Variants in BRD9 observed in about 807,000 individuals in gnomAD.
The protein encoded by BRD9 is bromodomain-containing protein 9.
A neutral mutation model predicts 68.7 loss-of-function variants in BRD9; 47 were observed. That is an observed-to-expected ratio of 0.68 (90% CI 0.54 to 0.87). The LOEUF (loss-of-function observed/expected upper bound fraction) is 0.87. BRD9 is among the 40% of genes least tolerant of loss of function. The pLI is 0.00. For missense variants in BRD9, 670 were observed against 748.4 expected (o/e 0.90, Z 1.22); for synonymous variants, 313 against 293.9 (o/e 1.06, Z -0.67).
At chr5:881,019 A>G (rs1751662677) in intron 9 of BRD9, 88 bp downstream of exon 9, 4 of 1,397,620 alleles carry the variant, frequency 2.9e-6, no homozygotes, top group Non-Finnish European at 4.0e-6. Flanking sequence ...CCCCATGGCC[A>G]TGGCTCAGCT....
intron 11 of BRD9, among the ~76,000 whole-genome samples, chr5:877,493 G>C (rs1579950654): frequency 6.6e-6 from 1 of 152,318 alleles, no homozygotes; most frequent in Admixed American, 6.5e-5. Flanking sequence ...GGAATAAAAT[G>C]AAGACCTGAT....
intron 14 of BRD9, chr5:870,254 A>G: frequency 1.9e-6 from 1 of 518,894 alleles, no homozygotes; most frequent in East Asian, 3.3e-5. Flanking sequence ...AGGGGCTGCA[A>G]CCACTTCTCA....
At chr5:878,281 G>C in intron 11 of BRD9, 74 bp downstream of exon 11, 1 of 1,588,444 alleles carries the variant, frequency 6.3e-7, no homozygotes, top group Non-Finnish European at 8.6e-7. Context: ...GCACACATGT[G>C]GGACTCCACG....
In BRD9 at chr5:884,334, A is replaced by G. The variant is rs112792761; in HGVS notation, c.834-264T>C. The stretch of plus-strand genomic sequence containing the variant: ...TTTCAACGCAGTGCAAACTCAGTTA[A>G]AGTGCTTTAGCAACAAAAGCAACAA... On this transcript the variant is annotated intron_variant, in intron 7 of 15. Coordinates refer to ENST00000467963, the MANE Select transcript of BRD9 (RefSeq NM_023924.5). Among the ~76,000 whole-genome samples, 1,143 of 152,376 alleles carry G rather than the reference A, an allele frequency of 7.5e-3. 13 individuals carry two copies. The highest frequency in any genetic ancestry group is 0.025 in the African/African-American group (1,055 of 41,596).
chr5:883,437 G>T (rs1251782133), intron 8 of BRD9: 1 of 456,672 alleles, frequency 2.2e-6, no homozygotes. Context: ...AAGACACTGG[G>T]TCTAGAACGT....
intron 9 of BRD9, 102 bp downstream of exon 9, chr5:881,005 G>C: frequency 8.1e-7 from 1 of 1,241,588 alleles, no homozygotes. Context: ...AGCCTCTCAT[G>C]CTGCCCCATG....
intron 8 of BRD9, chr5:882,938 A>T: frequency 3.7e-6 from 1 of 267,226 alleles, no homozygotes; most frequent in Non-Finnish European, 7.3e-6. Context: ...CCAACATGCA[A>T]GCCACGTGAA....
rs1303412765 is a variant in BRD9, at chr5:865,530, T to C, written c.1577A>G (p.Glu526Gly). The C allele has an allele frequency of 1.2e-6, 2 of 1,606,360 alleles. No individual in the cohort carries two copies. Among genetic ancestry groups the C allele is most frequent in the Non-Finnish European group, 1.7e-6 (2 of 1,178,846 alleles). The stretch of plus-strand genomic sequence containing the variant: ...CAGGTCCTGCAGGAGCTTCGTCGTC[T>C]CATCCAAGTTCAAATGGCTGTCGTC... ...DPDDSHLNLD[E>G]TTKLLQDLHE... Residue 526 changes from glutamate to glycine, a missense_variant, in exon 15 of 16, where the codon GAG becomes GGG. Physicochemically the swap from Glu to Gly is moderately conservative, Grantham distance 98 (BLOSUM62 -2). This residue lies in a region of BRD9 where 280 missense variants were observed against 281.5 expected (regional missense o/e 0.99). Transcript: ENST00000467963.
Position 865,524 on chromosome 5 carries a change from G to T in BRD9, c.1583C>A (p.Thr528Lys). The change falls in exon 15 of 16, where the codon ACG (threonine) becomes AAG (lysine). Residue 528 changes from threonine to lysine, a missense_variant. Coordinates refer to ENST00000467963, the MANE Select transcript of BRD9 (RefSeq NM_023924.5). Reference sequence around the variant, plus strand: ...TTCGTGCAGGTCCTGCAGGAGCTTCGTCGTCTCATCCAAGTTCAAATGGCT... The same window carrying T: ...TTCGTGCAGGTCCTGCAGGAGCTTCTTCGTCTCATCCAAGTTCAAATGGCT... ...DDSHLNLDET[T>K]KLLQDLHEAQ... is the part of the protein sequence containing the mutation. 1 of 1,607,146 alleles carries T rather than the reference G, an allele frequency of 6.2e-7. No individual in the cohort carries two copies. The highest frequency in any genetic ancestry group is 8.5e-7 in the Non-Finnish European group (1 of 1,179,030).
intron 12 of BRD9, among the ~76,000 whole-genome samples, chr5:872,342 A>G (rs539606350): frequency 6.6e-6 from 1 of 152,360 alleles, no homozygotes; most frequent in African/African-American, 2.4e-5. Flanking sequence ...AGTCCTGAGC[A>G]TCATTTACTG....
intron 7 of BRD9, among the ~76,000 whole-genome samples, chr5:885,682 G>A (rs777552197): frequency 6.6e-6 from 1 of 152,230 alleles, no homozygotes; most frequent in African/African-American, 2.4e-5. Context: ...TCAGACACAC[G>A]GCCATGAGGG....
At chr5:881,012 C>A in intron 9 of BRD9, 95 bp downstream of exon 9, 1 of 1,316,844 alleles carries the variant, frequency 7.6e-7, no homozygotes, top group East Asian at 2.3e-5. Flanking sequence ...CATGCTGCCC[C>A]ATGGCCATGG....
Position 886,609 on chromosome 5 carries a change from C to T in BRD9, c.816G>A (p.Pro272=), listed in dbSNP as rs74984870. Residue 272 remains proline, a synonymous_variant, in exon 7 of 16, where the codon CCG becomes CCA. Transcript: ENST00000467963. The part of the protein sequence containing the change: ...QVETAKKSKK[P]SREVISCMFE... Reference sequence around the variant, plus strand: ...ACCTTTACCTGATAACTTCTCTACTCGGCTTTTTGGATTTCTTGGCAGTTT... The same window carrying T: ...ACCTTTACCTGATAACTTCTCTACTTGGCTTTTTGGATTTCTTGGCAGTTT... 2.2e-3 allele frequency: 3,491 copies of T among 1,613,926 alleles called. 41 individuals are homozygous for T. In the African/African-American group the frequency reaches 0.035, roughly 16 times the overall value.
chr5:890,393 C>T lies in BRD9; in HGVS notation c.401-746G>A, dbSNP rs147107162. Among the ~76,000 whole-genome samples the T allele has an allele frequency of 5.1e-4, 78 of 152,250 alleles. No homozygotes were observed. The East Asian group carries it at 0.013, about 26-fold the overall frequency. Reference sequence around the variant, plus strand: ...CCCAGCCGTCTGTTTCCCTATAATCCAGGAACCACTGGATGCTGAGAGTTG... The same window carrying T: ...CCCAGCCGTCTGTTTCCCTATAATCTAGGAACCACTGGATGCTGAGAGTTG... On this transcript the variant is annotated intron_variant, in intron 3 of 15. Coordinates refer to ENST00000467963, the MANE Select transcript of BRD9 (RefSeq NM_023924.5).
intron 14 of BRD9, among the ~76,000 whole-genome samples, chr5:867,158 C>G (rs777113491): frequency 6.6e-6 from 1 of 152,212 alleles, no homozygotes; most frequent in Non-Finnish European, 1.5e-5. Context: ...TCAGAGGGTG[C>G]AAGCCCCAAG....
chr5:887,635 T>G (rs1180012415), intron 5 of BRD9, among the ~76,000 whole-genome samples, 164 bp from the exon 6 acceptor site: 1 of 152,154 alleles, frequency 6.6e-6, no homozygotes, highest in African/African-American at 2.4e-5. Context: ...TTAAGAGAAG[T>G]TTTCTTAGTT....
chr5:885,842 T>G (rs1560923127), intron 7 of BRD9, among the ~76,000 whole-genome samples: 1 of 152,240 alleles, frequency 6.6e-6, no homozygotes, highest in Non-Finnish European at 1.5e-5. Context: ...TCGCTTTGTT[T>G]GGTCCTATCA....
intron 13 of BRD9, among the ~76,000 whole-genome samples, chr5:871,265 G>A (rs1750088945): frequency 6.6e-6 from 1 of 152,174 alleles, no homozygotes; most frequent in African/African-American, 2.4e-5. Flanking sequence ...CCCTTGCAAG[G>A]GTGTCCCACA....
intron 12 of BRD9, among the ~76,000 whole-genome samples, chr5:874,718 C>G (rs541471068): frequency 6.6e-6 from 1 of 152,322 alleles, no homozygotes; most frequent in African/African-American, 2.4e-5. Flanking sequence ...ACAAAAGCAG[C>G]AAATGGAGCC....
Sources: allele counts gnomAD v4.1 joint callset (sites outside exome capture counted in the v4.1 genomes callset), GRCh38; gene constraint gnomAD v4.1.1; regional missense constraint gnomAD v4.1.1; transcripts MANE v1.5; gene names NCBI Gene and HGNC (gene_info 2026-07-23, HGNC 2026-07-21).